Variants in FGF13 observed in about 807,000 individuals in gnomAD.
FGF13 encodes fibroblast growth factor 13.
A neutral mutation model predicts 19.5 loss-of-function variants in FGF13; 2 were observed. The ratio of observed to expected loss-of-function variants is 0.10; its 90% confidence interval spans 0.04 to 0.32. The LOEUF (loss-of-function observed/expected upper bound fraction) is 0.32, where lower values mean the gene tolerates loss of function less well. Among genes scored for constraint, FGF13 ranks in the 10% least tolerant of loss-of-function variants. The pLI is 1.00. For synonymous variants in FGF13, 72 were observed against 76.9 expected, an observed-to-expected ratio of 0.94 and a Z score of 0.33; for missense variants, 113 against 192.7, an observed-to-expected ratio of 0.59 and a Z score of 2.45.
chrX:138,743,049 A>G (rs1244479739), upstream of FGF13, among the ~76,000 whole-genome samples: 1 of 111,462 alleles, frequency 9.0e-6, no homozygotes. Context: ...AATACTGAGT[A>G]CCCATGAGTT....
At position 138,663,906 on chromosome X, in the gene FGF13, G is replaced by A. The variant is rs780662040; in HGVS notation, c.403-28251C>T. Among the ~76,000 whole-genome samples, 3 of 111,601 alleles carry A rather than the reference G, an allele frequency of 2.7e-5. No individual in the cohort carries two copies. In the South Asian group the frequency reaches 1.1e-3, roughly 42 times the overall value. On this transcript the variant is annotated intron_variant, in intron 3 of 4. Coordinates refer to ENST00000315930, the MANE Select transcript of FGF13 (RefSeq NM_004114.5). ...CAACATAACTGCAGCTGAAACTTTA[G>A]TTTTTCTAAAGTCATGGTGGGGAAT...
Position 138,895,650 on chromosome X carries a change from C to T in FGF13, c.-112-31000G>A, listed in dbSNP as rs1250597592. 4.5e-5 allele frequency among the ~76,000 whole-genome samples: 5 copies of T among 111,581 alleles called. No individual in the cohort carries two copies. The South Asian group carries it at 1.1e-3, about 25-fold the overall frequency. On this transcript the variant is annotated intron_variant, in intron 1 of 2. Transcript: ENST00000421460. ...TACCATATGATCCAGCAATTTCACA[C>T]GGGTATATATCCAAAGGAAATAAAA...
At position 139,023,015 on chromosome X, in the gene FGF13, G is replaced by T. The variant is rs57615642; in HGVS notation, c.-112-158365C>A. Among the ~76,000 whole-genome samples the T allele has an allele frequency of 9.4e-3, 1,045 of 111,431 alleles. 10 individuals carry two copies. The highest frequency in any genetic ancestry group is 0.032 in the African/African-American group (972 of 30,747). On this transcript the variant is annotated intron_variant, in intron 1 of 2. Transcript: ENST00000421460. Reference sequence around the variant, plus strand: ...CTACAGACAAGGAAACTGGGGTTCTGATTCACAATATTAGTATATGGCATA... The same window carrying T: ...CTACAGACAAGGAAACTGGGGTTCTTATTCACAATATTAGTATATGGCATA...
chrX:139,072,259 A>C (rs996648899), intron 1 of FGF13, among the ~76,000 whole-genome samples: 7 of 102,157 alleles, frequency 6.9e-5, no homozygotes, highest in South Asian at 4.4e-4. Context: ...AATCAGAAAT[A>C]TCTCTCTCTC....
At chrX:138,740,578 T>C (rs959998795), upstream of FGF13, among the ~76,000 whole-genome samples, 5 of 111,514 alleles carry the variant, frequency 4.5e-5, no homozygotes, top group Non-Finnish European at 7.5e-5. Context: ...ATTTCAGCAG[T>C]AGGCAGAGGA....
intron 1 of FGF13, among the ~76,000 whole-genome samples, chrX:138,731,429 A>C (rs2124289806): frequency 9.2e-6 from 1 of 108,808 alleles, no homozygotes; most frequent in Non-Finnish European, 1.9e-5. Context: ...AACATTATAT[A>C]TCTAAATAAG....
chrX:138,784,239 G>T (rs768495825), intron 3 of FGF13, among the ~76,000 whole-genome samples: 10 of 98,981 alleles, frequency 1.0e-4, no homozygotes, highest in African/African-American at 3.7e-4. Flanking sequence ...TGGGTGCAGC[G>T]CACCAGCATG....
intron 1 of FGF13, among the ~76,000 whole-genome samples, chrX:139,193,371 T>A: frequency 8.9e-6 from 1 of 112,352 alleles, no homozygotes; most frequent in Non-Finnish European, 1.9e-5. Context: ...TACAGAAACC[T>A]ACGATGGATG....
chrX:138,770,922 G>A (rs975643876), intron 3 of FGF13, among the ~76,000 whole-genome samples: 1 of 111,161 alleles, frequency 9.0e-6, no homozygotes, highest in South Asian at 3.9e-4. Context: ...GCCTTCTGTG[G>A]GTGCAAGGTT....
intron 1 of FGF13, among the ~76,000 whole-genome samples, chrX:139,030,420 G>A (rs1462000179): frequency 9.0e-6 from 1 of 111,399 alleles, no homozygotes; most frequent in Non-Finnish European, 1.9e-5. Flanking sequence ...ATGTGTGCCT[G>A]CAAACGATGT....
chrX:138,633,970 C>A (rs1338853448), intron 4 of FGF13, among the ~76,000 whole-genome samples: 1 of 111,533 alleles, frequency 9.0e-6, no homozygotes, highest in East Asian at 2.8e-4. Context: ...TCTTTGAAGT[C>A]TTCCTCTGCT....
At chrX:139,009,336 C>T (rs6634038) in intron 1 of FGF13, among the ~76,000 whole-genome samples, 25,926 of 110,415 alleles carry the variant, frequency 0.23, 2,718 homozygotes, top group South Asian at 0.42. Context: ...AGATCATCAC[C>T]TAGGCACACA....
chrX:138,935,196 G>C (rs2091725366), intron 1 of FGF13, among the ~76,000 whole-genome samples: 1 of 111,559 alleles, frequency 9.0e-6, no homozygotes, highest in Non-Finnish European at 1.9e-5. Context: ...GTCAAGGTCT[G>C]CTTGCTCTGT....
chrX:138,998,048 A>G (rs1238294703), intron 1 of FGF13, among the ~76,000 whole-genome samples: 1 of 112,023 alleles, frequency 8.9e-6, no homozygotes, highest in African/African-American at 3.2e-5. Context: ...TAAAGAAAAG[A>G]ATTTTCAACC....
chrX:138,655,244 G>C (rs1211034845), intron 3 of FGF13, among the ~76,000 whole-genome samples: 1 of 111,753 alleles, frequency 8.9e-6, no homozygotes, highest in African/African-American at 3.3e-5. Flanking sequence ...AGGAAACCCT[G>C]AGTATCCACT....
rs144622205 is a variant in FGF13, at chrX:138,999,441, A to G, written c.-112-134791T>C. On this transcript the variant is annotated intron_variant, in intron 1 of 2. Coordinates refer to the FGF13 transcript ENST00000421460. ...CAACAAAATAAATGGACCACTAGCT[A>G]TACAAATAAAGAAGAAAAGAGAGAA... Among the ~76,000 whole-genome samples, 442 of 111,683 alleles carry G rather than the reference A, an allele frequency of 4.0e-3. 1 individual carries two copies. The highest frequency in any genetic ancestry group is 0.013 in the African/African-American group (413 of 30,705).
intron 1 of FGF13, among the ~76,000 whole-genome samples, chrX:138,887,831 C>G (rs2091458226): frequency 8.9e-6 from 1 of 111,914 alleles, no homozygotes; most frequent in Admixed American, 9.4e-5. Flanking sequence ...TAGCATTTAT[C>G]CCACTTAAAT....
chrX:138,822,653 G>C (rs1316707515), intron 3 of FGF13, among the ~76,000 whole-genome samples: 1 of 112,066 alleles, frequency 8.9e-6, no homozygotes, highest in Non-Finnish European at 1.9e-5. Context: ...ACAGATACAG[G>C]AATCCGAAAT....
At chrX:138,953,442 G>A (rs779529725) in intron 1 of FGF13, among the ~76,000 whole-genome samples, 1 of 110,533 alleles carries the variant, frequency 9.0e-6, no homozygotes, top group Non-Finnish European at 1.9e-5. Context: ...GTGGGTGGAG[G>A]GGGGAGGGAT....
Sources: allele counts gnomAD v4.1 joint callset (sites outside exome capture counted in the v4.1 genomes callset), GRCh38; gene constraint gnomAD v4.1.1; transcripts MANE v1.5; gene names NCBI Gene and HGNC (gene_info 2026-07-23, HGNC 2026-07-21).